SPACA3: variants seen among roughly 807,000 people sequenced by gnomAD.
SPACA3 encodes sperm acrosome membrane-associated protein 3.
In SPACA3, 21 loss-of-function variants were observed where a neutral mutation model predicts 24.5. The ratio of observed to expected loss-of-function variants is 0.86; its 90% CI spans 0.61 to 1.24. SPACA3 has a LOEUF of 1.24. Ranked by LOEUF, SPACA3 falls within the 50% of genes most tolerant of loss-of-function variation. The pLI, the probability that SPACA3 is intolerant of heterozygous loss-of-function variation, is 0.00. For synonymous variants in SPACA3, 115 were observed against 106.9 expected (o/e 1.08, Z -0.47); for missense variants, 278 against 275.5 (o/e 1.01, Z -0.06).
At chr17:32,997,690 C>T in intron 4 of SPACA3, 22 bp from the exon 5 acceptor site, 1 of 1,613,150 alleles carries the variant, frequency 6.2e-7, no homozygotes. Context: ...TATCTCTCCT[C>T]TTCCCTGTTC....
At chr17:32,994,276 G>A (rs370985618) in intron 1 of SPACA3, among the ~76,000 whole-genome samples, 94 of 152,224 alleles carry the variant, frequency 6.2e-4, no homozygotes, top group Admixed American at 2.7e-3. Flanking sequence ...CTGTGCCCAC[G>A]CCTTTTCTCA....
intron 1 of SPACA3, among the ~76,000 whole-genome samples, chr17:32,994,878 T>C (rs2091712271): frequency 6.6e-6 from 1 of 152,164 alleles, no homozygotes; most frequent in African/African-American, 2.4e-5. Flanking sequence ...GAAGGGCTTT[T>C]TGCAGGTTAT....
rs559478588 is a variant in SPACA3 at position 32,994,265 on chromosome 17, G to A, written c.35-1144G>A. Among the ~76,000 whole-genome samples, 14 of 152,276 alleles carry A rather than the reference G, an allele frequency of 9.2e-5. 1 individual carries two copies. In the East Asian group the frequency reaches 1.2e-3, roughly 13 times the overall value. On this transcript the variant is annotated intron_variant, in intron 1 of 4. Transcript: ENST00000269053. ...ACTTATTTTTAGTGCCAAGAGCTAC[G>A]CTGTGCCCACGCCTTTTCTCATTTA...
intron 1 of SPACA3, chr17:32,992,968 C>T (rs1467944482): frequency 2.1e-6 from 1 of 470,386 alleles, no homozygotes; most frequent in Admixed American, 2.4e-5. Flanking sequence ...GTGGTTGAGA[C>T]ATGATACAAG....
chr17:32,992,436 C>A (rs560923897), intron 1 of SPACA3, among the ~76,000 whole-genome samples: 10 of 152,298 alleles, frequency 6.6e-5, no homozygotes, highest in African/African-American at 2.2e-4. Context: ...CCTGTGGCCA[C>A]GCCTTTTGTG....
intron 1 of SPACA3, among the ~76,000 whole-genome samples, chr17:32,994,873 GC>G (rs2091712231): frequency 6.6e-6 from 1 of 152,220 alleles, no homozygotes. Flanking sequence ...AGGGAGAAGG[GC>G]TTTTTGCAGG....
In SPACA3 at chr17:32,995,421, G is replaced by A; in HGVS notation, c.47G>A (p.Ser16Asn). The change falls in exon 2 of 5, where the codon AGC becomes AAC. Residue 16 changes from serine to asparagine, a missense_variant. Transcript: ENST00000269053. ...TCCCCTTTCCCAGGGGTGCACTCAA[G>A]CCCTGTTTCTTCTCCTTCTGTGAGT... The part of the protein sequence containing the change: ...RGAPLIRVHS[S>N]PVSSPSVSGP... 6.2e-7 allele frequency: 1 copy of A among 1,601,122 alleles called. No individual in the cohort carries two copies. The highest frequency in any genetic ancestry group is 8.5e-7 in the Non-Finnish European group (1 of 1,172,646).
rs576540621 is a variant in SPACA3 at position 32,997,821 on chromosome 17, G to C, written c.*43G>C. 3.1e-6 allele frequency: 5 copies of C among 1,603,128 alleles called. No homozygotes were observed. The South Asian group carries it at 5.5e-5, about 18-fold the overall frequency. On this transcript the variant is annotated 3_prime_UTR_variant, in exon 5 of 5. Coordinates refer to ENST00000269053, the MANE Select transcript of SPACA3 (RefSeq NM_173847.5). Reference sequence around the variant, plus strand: ...ACAGCAGGCTGGGAAATGTGGTTTGGTTCCTGACCTAGGCTTGGGAAGACA... The same window carrying C: ...ACAGCAGGCTGGGAAATGTGGTTTGCTTCCTGACCTAGGCTTGGGAAGACA...
At chr17:32,992,139 C>T (rs1422953265) in intron 1 of SPACA3, among the ~76,000 whole-genome samples, 167 bp downstream of exon 1, 1 of 138,788 alleles carries the variant, frequency 7.2e-6, no homozygotes, top group Non-Finnish European at 1.5e-5. Flanking sequence ...AACTCTGGAG[C>T]TGTTGTGAAA....
chr17:32,995,680 C>T lies in SPACA3; in HGVS notation c.306C>T (p.Phe102=), dbSNP rs775934021. The change falls in exon 2 of 5, where the codon TTC becomes TTT. Residue 102 remains phenylalanine (F), a synonymous_variant. Coordinates refer to ENST00000269053, the MANE Select transcript of SPACA3 (RefSeq NM_173847.5). ...RCELARVLHD[F]GLDGYRGYSL... The stretch of plus-strand genomic sequence containing the variant: ...AACTGGCCAGAGTGCTACATGACTT[C>T]GGGCTGGACGGATACCGGGGATACA... 117 of 1,613,998 alleles carry T rather than the reference C, an allele frequency of 7.2e-5. No homozygotes were observed. Among genetic ancestry groups the T allele is most frequent in the South Asian group, 6.0e-4 (55 of 91,082 alleles).
At position 32,995,588 on chromosome 17, in the gene SPACA3, T is replaced by G. The variant is rs748137155; in HGVS notation, c.214T>G (p.Leu72Val). Residue 72 changes from leucine to valine, a missense_variant, in exon 2 of 5, where the codon TTG becomes GTG. By Grantham distance (32) the Leu-to-Val change is conservative. Transcript: ENST00000269053. Reference protein sequence around the residue: ...RRWCPAGIMLLALVCLLSCLL... With the variant: ...RRWCPAGIMLVALVCLLSCLL... ...GTGGTGCCCAGCTGGGATCATGTTGTTGGCCCTGGTCTGTCTGCTCAGCTG... is the reference window on the plus strand; with the variant it reads ...GTGGTGCCCAGCTGGGATCATGTTGGTGGCCCTGGTCTGTCTGCTCAGCTG... 2 of 1,614,218 alleles carry G rather than the reference T, an allele frequency of 1.2e-6. No individual in the cohort carries two copies. The highest frequency in any genetic ancestry group is 1.7e-6 in the Non-Finnish European group (2 of 1,180,040).
chr17:32,993,684 G>GA (rs1366691077), intron 1 of SPACA3, among the ~76,000 whole-genome samples: 1 of 151,790 alleles, frequency 6.6e-6, no homozygotes, highest in Non-Finnish European at 1.5e-5. Context: ...AAGCGGGAGG[G>GA]AGAAAGTGGC....
chr17:32,994,802 C>T (rs2091711853), intron 1 of SPACA3, among the ~76,000 whole-genome samples: 1 of 152,116 alleles, frequency 6.6e-6, no homozygotes, highest in Admixed American at 6.6e-5. Context: ...GGGGGACTGG[C>T]CACACACAGC....
chr17:32,996,912 C>G lies in SPACA3; in HGVS notation c.413C>G (p.Thr138Ser), dbSNP rs748201618. ...TTGGACTACGAGGCTGATGGGAGCA[C>G]CAACAACGGGATCTTCCAGATCAAC... ...AALDYEADGS[T>S]NNGIFQINSR... Residue 138 changes from threonine to serine, a missense_variant, in exon 3 of 5, where the codon ACC becomes AGC. By Grantham distance (58) the Thr-to-Ser change is moderately conservative (BLOSUM62 1). Coordinates refer to ENST00000269053, the MANE Select transcript of SPACA3 (RefSeq NM_173847.5). 13 of 1,610,298 alleles carry G rather than the reference C, an allele frequency of 8.1e-6. No individual in the cohort carries two copies. The highest frequency in any genetic ancestry group is 1.1e-5 in the Non-Finnish European group (13 of 1,178,396).
At chr17:32,992,186 C>CAAAAAAAAAAAAAAAAAAA (rs10591674) in intron 1 of SPACA3, among the ~76,000 whole-genome samples, 1 of 113,566 alleles carries the variant, frequency 8.8e-6, no homozygotes, top group Non-Finnish European at 1.8e-5. Flanking sequence ...CACTTTTCTA[C>CAAAAAAAAAAAAAAAAAAA]AAAAAAAAAA....
Position 32,997,006 on chromosome 17 carries a change from C to T in SPACA3, c.502+5C>T, listed in dbSNP as rs752050450. The T allele has an allele frequency of 2.0e-6, 3 of 1,506,398 alleles. No individual in the cohort carries two copies. The South Asian group carries it at 4.1e-5, about 21-fold the overall frequency. The allele number at this position is 1,506,398 out of a possible 1,614,324, so 93.3% of individuals were successfully genotyped here. A position where few individuals can be genotyped will look rare whatever the true frequency, so the allele number is the denominator to read the frequency against. On this transcript the variant is annotated splice_donor_5th_base_variant and intron_variant, in intron 3 of 4. Transcript: ENST00000269053. ...TGTGCCGGATGTACTGCTCAGGTAG[C>T]TGGGCCTGGGCCCAGGGCTGGCAGG...
At position 32,997,849 on chromosome 17, in the gene SPACA3, C is replaced by T. The variant is rs555762781; in HGVS notation, c.*71C>T. On this transcript the variant is annotated 3_prime_UTR_variant, in exon 5 of 5. Coordinates refer to ENST00000269053, the MANE Select transcript of SPACA3 (RefSeq NM_173847.5). ...CCTGACCTAGGCTTGGGAAGACAAG[C>T]CAGCGAATAAAGGATGGTTGAACGT... The T allele has an allele frequency of 1.1e-4, 173 of 1,508,548 alleles. No homozygotes were observed. In the African/African-American group the frequency reaches 2.2e-3, roughly 20 times the overall value. 93.4% of individuals were successfully genotyped at this position (1,508,548 alleles called of 1,614,324 possible).
At chr17:32,995,302 G>C (rs1189473874) in intron 1 of SPACA3, 107 bp from the exon 2 acceptor site, 3 of 1,053,580 alleles carry the variant, frequency 2.8e-6, no homozygotes, top group South Asian at 1.6e-5. Flanking sequence ...AAGGAGAGGG[G>C]CTGGTCTCGG....
At chr17:32,995,868 C>G in intron 2 of SPACA3, 151 bp downstream of exon 2, 1 of 974,060 alleles carries the variant, frequency 1.0e-6, no homozygotes, top group Non-Finnish European at 1.5e-6. Flanking sequence ...AGGTAGAGAA[C>G]AGCCAGCACG....
Sources: allele counts gnomAD v4.1 joint callset (sites outside exome capture counted in the v4.1 genomes callset), GRCh38; gene constraint gnomAD v4.1.1; transcripts MANE v1.5; gene names NCBI Gene and HGNC (gene_info 2026-07-23, HGNC 2026-07-21).